Variants in GPR137B observed in about 807,000 individuals in gnomAD.
GPR137B encodes the protein integral membrane protein GPR137B.
In GPR137B, 42 loss-of-function variants were observed where a neutral mutation model predicts 42.5. The observed-to-expected ratio is 0.99, with a 90% CI of 0.77 to 1.28. The LOEUF is 1.28. GPR137B is among the 50% of genes most tolerant of loss of function. GPR137B has a pLI of 0.00. For synonymous variants in GPR137B, 218 were observed against 209.7 expected, an observed-to-expected ratio of 1.04 and a Z score of -0.34; for missense variants, 487 against 493.9, an observed-to-expected ratio of 0.99 and a Z score of 0.13.
At chr1:236,175,045 G>T (rs1378988926) in intron 2 of GPR137B, among the ~76,000 whole-genome samples, 1 of 152,082 alleles carries the variant, frequency 6.6e-6, no homozygotes, top group Non-Finnish European at 1.5e-5. Context: ...GAAGAGTGTA[G>T]GCCAGGTGCA....
chr1:236,188,746 T>G lies in GPR137B; in HGVS notation c.966+4840T>G, dbSNP rs144027736. 2.0e-3 allele frequency among the ~76,000 whole-genome samples: 302 copies of G among 152,356 alleles called. 5 individuals are homozygous for G. The Middle Eastern group carries it at 0.048, about 24-fold the overall frequency. On this transcript the variant is annotated intron_variant, in intron 5 of 6. Transcript: ENST00000366592. ...CAGTACGTTATTGAGGATTTTCACA[T>G]TGATGTTCATCAGAGATATTGGTCT...
intron 6 of GPR137B, 63 bp downstream of exon 6, chr1:236,205,313 G>C: frequency 7.0e-7 from 1 of 1,435,164 alleles, no homozygotes; most frequent in Middle Eastern, 1.8e-4. Flanking sequence ...CAGTTAAATA[G>C]ATTCAAGCTA....
chr1:236,160,486 C>G (rs1024736692), intron 1 of GPR137B, among the ~76,000 whole-genome samples: 1 of 152,142 alleles, frequency 6.6e-6, no homozygotes, highest in African/African-American at 2.4e-5. Flanking sequence ...GCCCTCCACC[C>G]TTCCCTGCCT....
intron 1 of GPR137B, among the ~76,000 whole-genome samples, chr1:236,154,307 GC>G (rs1208981745): frequency 6.6e-5 from 10 of 152,156 alleles, no homozygotes; most frequent in Non-Finnish European, 1.3e-4. Flanking sequence ...GCGCCCTGGG[GC>G]TGTGAACAGC....
At chr1:236,169,429 C>T (rs780827223) in intron 2 of GPR137B, among the ~76,000 whole-genome samples, 3 of 152,340 alleles carry the variant, frequency 2.0e-5, no homozygotes, top group South Asian at 2.1e-4. Context: ...CTGTTCTGAC[C>T]ATTCAGTGCT....
At chr1:236,184,356 A>G (rs1222783179) in intron 5 of GPR137B, among the ~76,000 whole-genome samples, 1 of 152,198 alleles carries the variant, frequency 6.6e-6, no homozygotes, top group Non-Finnish European at 1.5e-5. Context: ...AAGAGACATC[A>G]TTGTAAGGAA....
rs1383908152 is a variant in GPR137B at position 236,142,602 on chromosome 1, C to T, written c.-21C>T. Reference sequence around the variant, plus strand: ...CGATGCGCGGAGACCCCCGCGGGGGCGGCGGCGGCCGTGAGCCCCGATGAG... The same window carrying T: ...CGATGCGCGGAGACCCCCGCGGGGGTGGCGGCGGCCGTGAGCCCCGATGAG... On this transcript the variant is annotated 5_prime_UTR_variant, in exon 1 of 7. Coordinates refer to ENST00000366592, the MANE Select transcript of GPR137B (RefSeq NM_003272.4). 5 of 1,288,258 alleles carry T rather than the reference C, an allele frequency of 3.9e-6. No homozygotes were observed. The highest frequency in any genetic ancestry group is 4.9e-6 in the Non-Finnish European group (5 of 1,021,688). The allele number at this position is 1,288,258 out of a possible 1,614,324, so 79.8% of individuals were successfully genotyped here. A position where few individuals can be genotyped will look rare whatever the true frequency, so the allele number is the denominator to read the frequency against.
chr1:236,196,552 C>T (rs1352659758), intron 5 of GPR137B, among the ~76,000 whole-genome samples: 6 of 152,186 alleles, frequency 3.9e-5, no homozygotes, highest in African/African-American at 1.4e-4. Flanking sequence ...GATTTTGGTG[C>T]ACCCATTACC....
Position 236,150,172 on chromosome 1 carries a change from C to T in GPR137B, c.414+7136C>T, listed in dbSNP as rs370484347. ...GTTTGTGTCTGTGCATGTGTGTGCC[C>T]GTTTGTGTTTGTGTGTGTCTGTGTG... On this transcript the variant is annotated intron_variant, in intron 1 of 6. Coordinates refer to ENST00000366592, the MANE Select transcript of GPR137B (RefSeq NM_003272.4). This position sits in a 1 kb window ranked among gnomAD's most constrained non-coding sequence, Gnocchi z 6.2. Among the ~76,000 whole-genome samples the T allele has an allele frequency of 1.1e-4, 13 of 121,084 alleles. No individual in the cohort carries two copies. Among genetic ancestry groups the T allele is most frequent in the African/African-American group, 3.2e-4 (10 of 31,088 alleles). The allele number at this position is 121,084 out of a possible 152,430, so 79.4% of individuals were successfully genotyped here.
At chr1:236,199,176 TTC>T (rs1663425075) in intron 5 of GPR137B, among the ~76,000 whole-genome samples, 1 of 152,222 alleles carries the variant, frequency 6.6e-6, no homozygotes, top group Non-Finnish European at 1.5e-5. Flanking sequence ...TTGTTTTTAA[TTC>T]TGTTTATGTG....
chr1:236,168,615 A>G, intron 1 of GPR137B, 91 bp from the exon 2 acceptor site: 1 of 944,352 alleles, frequency 1.1e-6, no homozygotes, highest in Non-Finnish European at 1.8e-6. Context: ...GCGCTGGGGG[A>G]TGAAGGGGCA....
At chr1:236,161,043 A>C (rs1349758050) in intron 1 of GPR137B, among the ~76,000 whole-genome samples, 2 of 151,910 alleles carry the variant, frequency 1.3e-5, no homozygotes, top group African/African-American at 4.8e-5. Flanking sequence ...TTTCCATCCC[A>C]GAAGGAACCC....
intron 5 of GPR137B, among the ~76,000 whole-genome samples, chr1:236,200,216 C>T (rs73122982): frequency 0.013 from 2,047 of 151,964 alleles, 84 homozygotes; most frequent in African/African-American, 0.048. Flanking sequence ...TGAGAGAGTA[C>T]TTGATATAAT....
intron 1 of GPR137B, among the ~76,000 whole-genome samples, chr1:236,168,042 G>T (rs1457633492): frequency 6.6e-6 from 1 of 152,178 alleles, no homozygotes; most frequent in African/African-American, 2.4e-5. Context: ...TAAATGTACT[G>T]CAAAGTTTGA....
intron 2 of GPR137B, 151 bp downstream of exon 2, chr1:236,168,906 C>G: frequency 1.5e-6 from 1 of 678,630 alleles, no homozygotes; most frequent in Non-Finnish European, 2.7e-6. Context: ...TTGTGCACAT[C>G]ATGTGCATTG....
At chr1:236,166,364 G>T (rs1050599542) in intron 1 of GPR137B, among the ~76,000 whole-genome samples, 4 of 151,362 alleles carry the variant, frequency 2.6e-5, no homozygotes, top group East Asian at 1.9e-4. Flanking sequence ...CCCGTGGTGG[G>T]TTGTCAGATA....
chr1:236,181,717 C>T (rs1662881169), intron 4 of GPR137B, among the ~76,000 whole-genome samples: 1 of 152,072 alleles, frequency 6.6e-6, no homozygotes, highest in Non-Finnish European at 1.5e-5. Flanking sequence ...GAACCCAAAC[C>T]AACACCACAA....
At chr1:236,148,617 TA>T (rs1294452215) in intron 1 of GPR137B, among the ~76,000 whole-genome samples, 2 of 152,150 alleles carry the variant, frequency 1.3e-5, no homozygotes, top group Non-Finnish European at 2.9e-5. Flanking sequence ...AGCTGACATT[TA>T]TCGGGGTCTG....
At chr1:236,169,571 C>T (rs74150312) in intron 2 of GPR137B, among the ~76,000 whole-genome samples, 7,014 of 152,176 alleles carry the variant, frequency 0.046, 492 homozygotes, top group African/African-American at 0.15. Flanking sequence ...ACATGGACAC[C>T]GGGAGGCATG....
Sources: gnomAD v4.1 joint callset for allele counts (sites outside exome capture counted in the v4.1 genomes callset) on GRCh38, gnomAD v4.1.1 for gene constraint, Gnocchi (gnomAD v3.1) non-coding constraint, MANE v1.5 for transcripts, NCBI Gene and HGNC (gene_info 2026-07-23, HGNC 2026-07-21) for gene names.